The following TRIM55 variants were observed in gnomAD, a reference collection of about 807,000 sequenced individuals.
TRIM55 encodes tripartite motif containing 55, also known as tripartite motif-containing protein 55.
TRIM55 carries 50 observed loss-of-function variants against 60.9 expected under a neutral mutation model. The observed-to-expected ratio is 0.82, with a 90% confidence interval of 0.65 to 1.04. The LOEUF is 1.04. TRIM55 is among the 50% of genes least tolerant of loss of function. The pLI is 0.00. For missense variants in TRIM55, 681 were observed against 666.9 expected (o/e 1.02, Z -0.23); for synonymous variants, 237 against 238.1 (o/e 1.00, Z 0.04).
intron 9 of TRIM55, among the ~76,000 whole-genome samples, chr8:66,158,316 G>T (rs1426980127): frequency 6.6e-6 from 1 of 152,132 alleles, no homozygotes; most frequent in Non-Finnish European, 1.5e-5. Context: ...AAGTTGCAGT[G>T]ATAAGAGGCC....
At chr8:66,125,125 T>G (rs1010863426), upstream of TRIM55, among the ~76,000 whole-genome samples, 2 of 152,270 alleles carry the variant, frequency 1.3e-5, no homozygotes, top group African/African-American at 4.8e-5. Context: ...CCAATATCCA[T>G]TCTTTTCCCT....
intron 8 of TRIM55, 104 bp downstream of exon 8, chr8:66,152,731 T>C: frequency 7.0e-7 from 1 of 1,429,944 alleles, no homozygotes; most frequent in South Asian, 1.4e-5. Context: ...GATAACTATA[T>C]GCCAGACATT....
chr8:66,174,018 G>A (rs1428220254), intron 9 of TRIM55, among the ~76,000 whole-genome samples: 1 of 152,028 alleles, frequency 6.6e-6, no homozygotes, highest in African/African-American at 2.4e-5. Flanking sequence ...CTTCAGCAGT[G>A]GAGGGATTAT....
chr8:66,131,333 C>T (rs879479942), intron 2 of TRIM55, among the ~76,000 whole-genome samples: 12 of 152,188 alleles, frequency 7.9e-5, no homozygotes, highest in Non-Finnish European at 1.5e-4. Context: ...TTACCCACCC[C>T]CAAGCCTCAT....
intron 3 of TRIM55, among the ~76,000 whole-genome samples, chr8:66,135,406 T>C (rs1349659366): frequency 6.6e-6 from 1 of 152,218 alleles, no homozygotes; most frequent in Non-Finnish European, 1.5e-5. Flanking sequence ...CAGGAAGTGG[T>C]GCAGAACGGC....
upstream of TRIM55, among the ~76,000 whole-genome samples, chr8:66,126,745 C>T (rs968900551): frequency 2.6e-5 from 4 of 152,094 alleles, no homozygotes; most frequent in Admixed American, 6.5e-5. Context: ...GGCTACTTTC[C>T]GTGACTCAAT....
chr8:66,134,964 A>ACATT, intron 2 of TRIM55, 26 bp from the exon 3 acceptor site: 1 of 1,612,464 alleles, frequency 6.2e-7, no homozygotes, highest in Non-Finnish European at 8.5e-7. Context: ...GAGCTGATGG[A>ACATT]CATTTATCTG....
Position 66,154,167 on chromosome 8 carries a change from G to T in TRIM55, c.1357G>T (p.Ala453Ser), listed in dbSNP as rs376953699. The stretch of plus-strand genomic sequence containing the variant: ...TTGGTATAAAGGCCAAACCCGGAAA[G>T]CCACCACCAACCCACCTTGCACCCC... ...PSWYKGQTRK[A>S]TTNPPCTPGS... The change falls in exon 9 of 10, where the codon GCC becomes TCC. Residue 453 changes from alanine (A) to serine (S), a missense_variant. Ala to Ser is a moderately conservative substitution (Grantham distance 99). Coordinates refer to ENST00000315962, the MANE Select transcript of TRIM55 (RefSeq NM_184085.2). 6.2e-7 allele frequency: 1 copy of T among 1,614,164 alleles called. No individual in the cohort carries two copies. Among genetic ancestry groups the T allele is most frequent in the African/African-American group, 1.3e-5 (1 of 75,044 alleles).
upstream of TRIM55, among the ~76,000 whole-genome samples, chr8:66,122,589 C>T (rs962840002): frequency 8.5e-5 from 13 of 152,134 alleles, no homozygotes; most frequent in African/African-American, 2.2e-4. Flanking sequence ...CTCAGATTTT[C>T]GGGGTTCACA....
chr8:66,150,134 G>C (rs111259636), intron 5 of TRIM55, 83 bp from the exon 6 acceptor site: 1 of 1,483,110 alleles, frequency 6.7e-7, no homozygotes, highest in Non-Finnish European at 9.2e-7. Flanking sequence ...GAGATTCTCA[G>C]AGTCAACAAA....
upstream of TRIM55, among the ~76,000 whole-genome samples, chr8:66,123,983 A>C (rs1260574786): frequency 2.0e-5 from 3 of 152,046 alleles, no homozygotes; most frequent in Non-Finnish European, 4.4e-5. Flanking sequence ...ACTTTCCAAG[A>C]CCACAAAGGG....
the TRIM55 span, among the ~76,000 whole-genome samples, chr8:66,116,059 G>A: frequency 1.3e-5 from 2 of 152,142 alleles, no homozygotes; most frequent in African/African-American, 2.4e-5. Context: ...TTGTATATGC[G>A]TTTATATAAA....
chr8:66,113,714 C>G, the TRIM55 span: 3 of 383,788 alleles, frequency 7.8e-6, no homozygotes, highest in Non-Finnish European at 1.6e-5. Flanking sequence ...CTTCTTAACC[C>G]GTCTTTGGCA....
the TRIM55 span, among the ~76,000 whole-genome samples, chr8:66,113,776 G>A: frequency 6.6e-6 from 1 of 152,188 alleles, no homozygotes; most frequent in Non-Finnish European, 1.5e-5. Flanking sequence ...AGGGGGCCAG[G>A]CGGGGACCTT....
At chr8:66,123,950 C>T (rs926441660), upstream of TRIM55, among the ~76,000 whole-genome samples, 3 of 152,122 alleles carry the variant, frequency 2.0e-5, no homozygotes, top group Non-Finnish European at 2.9e-5. Context: ...GAGGGCAGAA[C>T]TGAAATCCTC....
chr8:66,151,883 A>AATAC (rs1330244515), intron 7 of TRIM55, among the ~76,000 whole-genome samples: 2 of 150,212 alleles, frequency 1.3e-5, no homozygotes, highest in African/African-American at 5.0e-5. Flanking sequence ...TAAATAAATA[A>AATAC]ATAAATAAAT....
rs144208714 is a variant in TRIM55, at chr8:66,154,064, T to A, written c.1254T>A (p.Thr418=). Residue 418 remains threonine, a synonymous_variant, in exon 9 of 10, where the codon ACT becomes ACA. Coordinates refer to ENST00000315962, the MANE Select transcript of TRIM55 (RefSeq NM_184085.2). The part of the protein sequence containing the change: ...APVTQGEVVP[T]GSEQTTESET... The stretch of plus-strand genomic sequence containing the variant: ...TGATTAAGGGGGAGGTTGTACCCAC[T>A]GGCTCTGAGCAGACCACAGAGTCTG... 6.2e-7 allele frequency: 1 copy of A among 1,613,802 alleles called. No homozygotes were observed. Among genetic ancestry groups the A allele is most frequent in the Non-Finnish European group, 8.5e-7 (1 of 1,179,808 alleles).
At chr8:66,114,077 G>C in the TRIM55 span, among the ~76,000 whole-genome samples, 1 of 67,648 alleles carries the variant, frequency 1.5e-5, no homozygotes, top group African/African-American at 5.5e-5. Context: ...GCTCGAAGGA[G>C]AGACACCCCC....
intron 4 of TRIM55, among the ~76,000 whole-genome samples, chr8:66,145,463 A>G (rs1044990062): frequency 6.6e-6 from 1 of 152,238 alleles, no homozygotes; most frequent in African/African-American, 2.4e-5. Flanking sequence ...TTTTATATTT[A>G]TCATTTATGA....
Sources: gnomAD v4.1 joint callset for allele counts (sites outside exome capture counted in the v4.1 genomes callset) on GRCh38, gnomAD v4.1.1 for gene constraint, MANE v1.5 for transcripts, NCBI Gene and HGNC (gene_info 2026-07-23, HGNC 2026-07-21) for gene names.